The following FOXN4 variants were observed in gnomAD, a reference collection of about 807,000 sequenced individuals.
The protein encoded by FOXN4 is forkhead box protein N4.
In FOXN4, 12 loss-of-function variants were observed where a neutral mutation model predicts 45.0. The ratio of observed to expected loss-of-function variants is 0.27; its 90% CI spans 0.17 to 0.43. The LOEUF is 0.43. FOXN4 is among the 20% of genes least tolerant of loss of function. The pLI, the probability that FOXN4 is intolerant of heterozygous loss-of-function variation, is 1.00. For synonymous variants in FOXN4, 297 were observed against 295.0 expected (o/e 1.01, Z -0.07); for missense variants, 560 against 694.9 (o/e 0.81, Z 2.18).
intron 8 of FOXN4, among the ~76,000 whole-genome samples, chr12:109,283,994 A>C (rs2047677988): frequency 1.3e-5 from 2 of 152,220 alleles, no homozygotes; most frequent in Admixed American, 6.5e-5. Context: ...AAGTAGAATA[A>C]TTGGACCAAT....
In FOXN4 at chr12:109,291,079, G is replaced by A. The variant is rs1356624935; in HGVS notation, c.87-793C>T. On this transcript the variant is annotated intron_variant, in intron 2 of 9. Transcript: ENST00000299162. The surrounding 1 kb of genome is among the most constrained non-coding windows in gnomAD (Gnocchi z 6.6). Reference sequence around the variant, plus strand: ...TCCTGAAGCCTGAGCCCTTCAACTCGACCCCTGGTGGTCCCAAGAGGCTCC... The same window carrying A: ...TCCTGAAGCCTGAGCCCTTCAACTCAACCCCTGGTGGTCCCAAGAGGCTCC... 3.9e-5 allele frequency among the ~76,000 whole-genome samples: 6 copies of A among 152,040 alleles called. No individual in the cohort carries two copies. The highest frequency in any genetic ancestry group is 2.1e-4 in the South Asian group (1 of 4,808).
rs1015572909 is a variant in FOXN4, at chr12:109,278,933, GAGA to G, written c.*735_*737del. ...TTAGGATGGCTGGGAGGTAGGGAGG[GAGA>G]AGGAGTCCCATTCCAGAGGCCTCGG... On this transcript the variant is annotated 3_prime_UTR_variant, in exon 10 of 10. Transcript: ENST00000299162. The G allele has an allele frequency of 4.6e-5, 7 of 152,302 alleles. No homozygotes were observed. The highest frequency in any genetic ancestry group is 1.7e-4 in the African/African-American group (7 of 41,436). 9.4% of individuals were successfully genotyped at this position (152,302 alleles called of 1,614,324 possible). A position where few individuals can be genotyped will look rare whatever the true frequency, so the allele number is the denominator to read the frequency against.
intron 2 of FOXN4, among the ~76,000 whole-genome samples, chr12:109,293,129 T>C (rs983526277): frequency 2.0e-5 from 3 of 152,088 alleles, no homozygotes; most frequent in Non-Finnish European, 4.4e-5. Context: ...GGAGGCTCAC[T>C]GCAAAGTCTG....
At chr12:109,304,296 G>GAAAGAA (rs1566005777) in intron 2 of FOXN4, among the ~76,000 whole-genome samples, 4 of 31,342 alleles carry the variant, frequency 1.3e-4, no homozygotes, top group African/African-American at 8.2e-4. Context: ...AGAAAGAAAG[G>GAAAGAA]AGAAAGAAAG....
At chr12:109,289,490 T>C (rs939464284) in intron 3 of FOXN4, among the ~76,000 whole-genome samples, 3 of 152,286 alleles carry the variant, frequency 2.0e-5, no homozygotes, top group Admixed American at 1.3e-4. Flanking sequence ...CAAGTATTTT[T>C]CAACCACTGG....
At chr12:109,286,498 G>T (rs1018272842) in intron 7 of FOXN4, 150 bp downstream of exon 7, 6 of 716,402 alleles carry the variant, frequency 8.4e-6, no homozygotes, top group Non-Finnish European at 1.4e-5. Flanking sequence ...ACTTTCTTCT[G>T]TGTGAGTGTG....
chr12:109,283,544 C>T (rs948397608), intron 8 of FOXN4, among the ~76,000 whole-genome samples: 7 of 148,154 alleles, frequency 4.7e-5, no homozygotes, highest in African/African-American at 1.5e-4. Context: ...GGCTTGATCT[C>T]GGGTCACTGC....
chr12:109,294,092 G>A (rs2047794916), intron 2 of FOXN4, among the ~76,000 whole-genome samples: 1 of 152,168 alleles, frequency 6.6e-6, no homozygotes, highest in Non-Finnish European at 1.5e-5. Context: ...CGGGGGAGAT[G>A]CCCCACCCTG....
intron 2 of FOXN4, among the ~76,000 whole-genome samples, chr12:109,307,180 T>C (rs2047928613): frequency 1.3e-5 from 2 of 152,176 alleles, no homozygotes; most frequent in Admixed American, 6.5e-5. Context: ...CTCCCTCTAA[T>C]TGCGGGCTGC....
Position 109,287,576 on chromosome 12 carries a change from G to T in FOXN4, c.469-52C>A, listed in dbSNP as rs911824752. ...AGTGGCAGAGAAAGAGAGAAGGTGA[G>T]AAATAACATACGTCACTCACAGTAA... On this transcript the variant is annotated intron_variant, in intron 5 of 9. Transcript: ENST00000299162. The surrounding 1 kb of genome is among the most constrained non-coding windows in gnomAD (Gnocchi z 4.1). 1.4e-6 allele frequency: 2 copies of T among 1,481,244 alleles called. No homozygotes were observed. The highest frequency in any genetic ancestry group is 2.8e-5 in the African/African-American group (2 of 70,618). The allele number at this position is 1,481,244 out of a possible 1,614,324, so 91.8% of individuals were successfully genotyped here.
chr12:109,280,342 CAAAAAAAA>C (rs34879457), intron 9 of FOXN4, among the ~76,000 whole-genome samples: 3 of 53,532 alleles, frequency 5.6e-5, no homozygotes, highest in African/African-American at 7.5e-5. Context: ...GACTCCACCT[CAAAAAAAA>C]AAAAAAAAAA....
At chr12:109,305,651 GC>G (rs1434596708) in intron 2 of FOXN4, among the ~76,000 whole-genome samples, 1 of 152,124 alleles carries the variant, frequency 6.6e-6, no homozygotes, top group African/African-American at 2.4e-5. Context: ...AATTGCTTGA[GC>G]CCGGGAGGCG....
chr12:109,292,159 G>A (rs1322867979), intron 2 of FOXN4, among the ~76,000 whole-genome samples: 7 of 152,142 alleles, frequency 4.6e-5, no homozygotes, highest in South Asian at 2.1e-4. Context: ...ACCTCCCGGC[G>A]CCTGGTGGTG....
At position 109,290,698 on chromosome 12, in the gene FOXN4, A is replaced by T. The variant is rs1000034527; in HGVS notation, c.87-412T>A. On this transcript the variant is annotated intron_variant, in intron 2 of 9. Coordinates refer to ENST00000299162, the MANE Select transcript of FOXN4 (RefSeq NM_213596.3). The surrounding 1 kb of genome is among the most constrained non-coding windows in gnomAD (Gnocchi z 5.1). ...CTCACCTACTATGGGACACTACAGC[A>T]CAGAGCACTCAGGGCCTGTGGTCAG... Among the ~76,000 whole-genome samples, 31 of 152,158 alleles carry T rather than the reference A, an allele frequency of 2.0e-4. 1 individual carries two copies. Among genetic ancestry groups the T allele is most frequent in the Non-Finnish European group, 8.8e-5 (6 of 68,016 alleles).
chr12:109,286,756 A>C lies in FOXN4; in HGVS notation c.597-12T>G, dbSNP rs2047715297. On this transcript the variant is annotated splice_polypyrimidine_tract_variant and intron_variant, in intron 6 of 9. Transcript: ENST00000299162. Reference sequence around the variant, plus strand: ...TGGCGATCAGACAGCTGGGGGCAGGAGGTGGGGCAGGGCAGGGCAGGGCAG... The same window carrying C: ...TGGCGATCAGACAGCTGGGGGCAGGCGGTGGGGCAGGGCAGGGCAGGGCAG... 2 of 1,600,062 alleles carry C rather than the reference A, an allele frequency of 1.2e-6. No homozygotes were observed. Among genetic ancestry groups the C allele is most frequent in the African/African-American group, 2.7e-5 (2 of 73,802 alleles).
intron 8 of FOXN4, 51 bp downstream of exon 8, chr12:109,285,253 G>GTGTGTT: frequency 6.6e-7 from 1 of 1,522,776 alleles, no homozygotes; most frequent in Non-Finnish European, 8.9e-7. Context: ...CCGTGTGTGT[G>GTGTGTT]TGTGTGTGTG....
intron 2 of FOXN4, among the ~76,000 whole-genome samples, chr12:109,302,703 A>T (rs1486249871): frequency 4.0e-5 from 6 of 151,886 alleles, no homozygotes; most frequent in South Asian, 4.2e-4. Context: ...GTCATTTAGG[A>T]GGGGTCTGCC....
In FOXN4 at chr12:109,279,605, C is replaced by T. The variant is rs967223910; in HGVS notation, c.*66G>A. 1.3e-6 allele frequency: 2 copies of T among 1,544,166 alleles called. No homozygotes were observed. Among genetic ancestry groups the T allele is most frequent in the Non-Finnish European group, 1.8e-6 (2 of 1,142,654 alleles). The stretch of plus-strand genomic sequence containing the variant: ...ATGAGGGACCTGCCTTCTGGGAACA[C>T]CCTGTTCTAGTCAGTTCTCTGCCCA... On this transcript the variant is annotated 3_prime_UTR_variant, in exon 10 of 10. Transcript: ENST00000299162.
intron 8 of FOXN4, among the ~76,000 whole-genome samples, chr12:109,284,719 G>A (rs565571480): frequency 2.3e-4 from 35 of 151,544 alleles, no homozygotes; most frequent in Admixed American, 5.9e-4. Context: ...GCTACGCTCC[G>A]GTGGATGGCG....
Sources: allele counts gnomAD v4.1 joint callset (sites outside exome capture counted in the v4.1 genomes callset), GRCh38; gene constraint gnomAD v4.1.1; non-coding constraint Gnocchi (gnomAD v3.1); transcripts MANE v1.5; gene names NCBI Gene and HGNC (gene_info 2026-07-23, HGNC 2026-07-21).